The following WDFY4 variants were observed in gnomAD, a reference collection of about 807,000 sequenced individuals.
The protein encoded by WDFY4 is WDFY family member 4.
In WDFY4, 169 loss-of-function variants were observed where a neutral mutation model predicts 351.9. The observed-to-expected ratio is 0.48, with a 90% CI of 0.42 to 0.55. The LOEUF is 0.55. Among genes scored for constraint, WDFY4 ranks in the 20% least tolerant of loss-of-function variants. The probability of loss-of-function intolerance (pLI) is 0.00; values close to 1 mark genes in which losing one functional copy is unlikely to be tolerated. For synonymous variants in WDFY4, 1,622 were observed against 1,574.6 expected (o/e 1.03, Z -0.71); for missense variants, 3,803 against 3,935.6 (o/e 0.97, Z 0.90).
At chr10:48,798,973 A>G (rs530832332) in intron 24 of WDFY4, among the ~76,000 whole-genome samples, 2 of 152,344 alleles carry the variant, frequency 1.3e-5, no homozygotes, top group African/African-American at 4.8e-5. Flanking sequence ...AGATGTACAT[A>G]AATGGCCATA....
intron 44 of WDFY4, among the ~76,000 whole-genome samples, chr10:48,891,801 C>T (rs1836816674): frequency 6.6e-6 from 1 of 152,194 alleles, no homozygotes; most frequent in South Asian, 2.1e-4. Flanking sequence ...ACTGAGGAGT[C>T]CAAGTCTTAT....
intron 13 of WDFY4, among the ~76,000 whole-genome samples, chr10:48,773,213 C>T (rs1456810928): frequency 2.0e-5 from 3 of 152,172 alleles, no homozygotes; most frequent in Non-Finnish European, 2.9e-5. Flanking sequence ...TAAACTAGTT[C>T]AACCATTGTG....
rs1018896361 is a variant in WDFY4, at chr10:48,788,520, G to A, written c.3809-10G>A. On this transcript the variant is annotated splice_polypyrimidine_tract_variant and intron_variant, in intron 20 of 61. Transcript: ENST00000325239. ...TTAGACTAGAAATGTTTAAAGATGT[G>A]TTGTTACAGGGGAGGACCTGGACAG... 1.9e-6 allele frequency: 3 copies of A among 1,550,920 alleles called. No individual in the cohort carries two copies. Among genetic ancestry groups the A allele is most frequent in the Non-Finnish European group, 1.7e-6 (2 of 1,146,464 alleles).
chr10:48,750,397 G>A (rs1377258953), intron 12 of WDFY4, among the ~76,000 whole-genome samples: 1 of 152,244 alleles, frequency 6.6e-6, no homozygotes, highest in East Asian at 1.9e-4. Flanking sequence ...ATGCAGCCAT[G>A]CAGCCATGTT....
intron 43 of WDFY4, among the ~76,000 whole-genome samples, chr10:48,883,768 T>C (rs904330649): frequency 4.5e-4 from 68 of 152,314 alleles, no homozygotes; most frequent in African/African-American, 1.6e-3. Flanking sequence ...ATCCTGGCCC[T>C]GGGGGATGCT....
In WDFY4 at chr10:48,942,155, G is replaced by A. The variant is rs150547017; in HGVS notation, c.7629+307G>A. Among the ~76,000 whole-genome samples the A allele has an allele frequency of 5.1e-3, 776 of 152,234 alleles. 3 individuals carry two copies. The highest frequency in any genetic ancestry group is 0.014 in the Middle Eastern group (4 of 294). On this transcript the variant is annotated intron_variant, in intron 48 of 61. Coordinates refer to ENST00000325239, the MANE Select transcript of WDFY4 (RefSeq NM_001394531.1). ...AATTTTTGTATTTTTAGTAGAGACA[G>A]GGTTTCACCATGCTGGCCAGGCTGG...
intron 1 of WDFY4, among the ~76,000 whole-genome samples, chr10:48,685,264 G>A (rs2136276554): frequency 6.6e-6 from 1 of 152,312 alleles, no homozygotes; most frequent in African/African-American, 2.4e-5. Flanking sequence ...AAGTTTGGGA[G>A]TCAGGCTGGG....
intron 39 of WDFY4, among the ~76,000 whole-genome samples, chr10:48,859,204 G>A (rs1438890791): frequency 6.6e-6 from 1 of 151,984 alleles, no homozygotes; most frequent in Non-Finnish European, 1.5e-5. Flanking sequence ...AATCTGTATG[G>A]CTTTTACTTT....
intron 55 of WDFY4, 155 bp from the exon 56 acceptor site, chr10:48,968,909 C>T: frequency 1.4e-6 from 1 of 719,158 alleles, no homozygotes; most frequent in South Asian, 1.8e-5. Flanking sequence ...GTGTGTCTGC[C>T]TGTCACTCCT....
chr10:48,784,440 T>C (rs1555008624), intron 19 of WDFY4, among the ~76,000 whole-genome samples: 1 of 151,306 alleles, frequency 6.6e-6, no homozygotes, highest in Non-Finnish European at 1.5e-5. Flanking sequence ...AGGTTGAACA[T>C]CACCTTTTCA....
Position 48,827,001 on chromosome 10 carries a change from A to G in WDFY4, c.6221+92A>G. 6 of 1,019,392 alleles carry G rather than the reference A, an allele frequency of 5.9e-6. No homozygotes were observed. In the South Asian group the frequency reaches 9.6e-5, roughly 16 times the overall value. The allele number at this position is 1,019,392 out of a possible 1,614,324, so 63.1% of individuals were successfully genotyped here. A position where few individuals can be genotyped will look rare whatever the true frequency, so the allele number is the denominator to read the frequency against. ...AGCTTGATTGAGGACTGAGTTCTGT[A>G]TAAATGATATCATCCTTTTGTTTAT... On this transcript the variant is annotated intron_variant, in intron 36 of 61. Transcript: ENST00000325239.
intron 1 of WDFY4, among the ~76,000 whole-genome samples, chr10:48,691,883 G>T (rs1045867793): frequency 1.3e-5 from 2 of 152,202 alleles, no homozygotes; most frequent in African/African-American, 4.8e-5. Context: ...ACAGAATCCA[G>T]GGAGAGTGGC....
intron 38 of WDFY4, among the ~76,000 whole-genome samples, chr10:48,831,918 C>T (rs2068203718): frequency 6.6e-6 from 1 of 152,154 alleles, no homozygotes; most frequent in Non-Finnish European, 1.5e-5. Context: ...AGCGTAGAAC[C>T]CTCATATTTT....
At chr10:48,778,098 C>T (rs527685020) in intron 17 of WDFY4, among the ~76,000 whole-genome samples, 1 of 152,330 alleles carries the variant, frequency 6.6e-6, no homozygotes, top group East Asian at 1.9e-4. Flanking sequence ...CCTGATGCTG[C>T]CTGAGCCACA....
intron 48 of WDFY4, 31 bp downstream of exon 48, chr10:48,941,879 TG>T: frequency 6.4e-7 from 1 of 1,551,078 alleles, no homozygotes; most frequent in Non-Finnish European, 8.7e-7. Context: ...GGAAGCCCTC[TG>T]GGAATGCAAA....
At chr10:48,886,445 A>ATT (rs2070458348) in intron 43 of WDFY4, among the ~76,000 whole-genome samples, 1 of 152,210 alleles carries the variant, frequency 6.6e-6, no homozygotes, top group African/African-American at 2.4e-5. Context: ...AGGCCATGAG[A>ATT]GCATGACCCT....
chr10:48,908,526 T>C (rs1302055569), intron 47 of WDFY4, among the ~76,000 whole-genome samples: 1 of 152,226 alleles, frequency 6.6e-6, no homozygotes, highest in Non-Finnish European at 1.5e-5. Context: ...CTAGGCTGAC[T>C]CGGTGTTTTA....
rs1194667425 is a variant in WDFY4, at chr10:48,811,559, C to G, written c.5065C>G (p.Pro1689Ala). The G allele has an allele frequency of 1.3e-6, 2 of 1,552,198 alleles. No homozygotes were observed. Among genetic ancestry groups the G allele is most frequent in the Non-Finnish European group, 1.7e-6 (2 of 1,147,132 alleles). ...AATAGACAACCTGAAGAGCCAGTCA[C>G]CACTGCCTGAGCAAAGCCCATGCCT... The part of the protein sequence containing the change: ...IVMDNLKSQS[P>A]LPEQSPCLLP... Residue 1689 changes from proline to alanine, a missense_variant, in exon 30 of 62, where the codon CCA (proline) becomes GCA (alanine). By Grantham distance (27) the Pro-to-Ala change is conservative. This residue lies in a region of WDFY4 where 3,054 missense variants were observed against 3,148.6 expected (regional missense o/e 0.97). Transcript: ENST00000325239.
intron 44 of WDFY4, among the ~76,000 whole-genome samples, chr10:48,891,455 CA>C (rs1358556597): frequency 6.6e-6 from 1 of 152,196 alleles, no homozygotes; most frequent in Non-Finnish European, 1.5e-5. Flanking sequence ...GAGCTTTTGC[CA>C]AAAGTCCAGT....
Sources: allele counts gnomAD v4.1 joint callset (sites outside exome capture counted in the v4.1 genomes callset), GRCh38; gene constraint gnomAD v4.1.1; regional missense constraint gnomAD v4.1.1; transcripts MANE v1.5; gene names NCBI Gene and HGNC (gene_info 2026-07-23, HGNC 2026-07-21).